The following SPATA9 variants were observed in gnomAD, a reference collection of about 807,000 sequenced individuals.
SPATA9 encodes the protein spermatogenesis associated 9, also known as spermatogenesis-associated protein 9.
In SPATA9, 27 loss-of-function variants were observed where a neutral mutation model predicts 25.5. The ratio of observed to expected loss-of-function variants is 1.06; its 90% CI spans 0.78 to 1.46. The LOEUF (loss-of-function observed/expected upper bound fraction) is 1.46, where lower values mean the gene tolerates loss of function less well. Among genes scored for constraint, SPATA9 ranks in the 40% most tolerant of loss-of-function variants. The probability of loss-of-function intolerance (pLI) is 0.00; values close to 1 mark genes in which losing one functional copy is unlikely to be tolerated. For missense variants in SPATA9, 282 were observed against 297.5 expected (o/e 0.95, Z 0.38); for synonymous variants, 102 against 105.7 (o/e 0.97, Z 0.21).
At chr5:95,697,607 G>C (rs1247826983) in intron 1 of SPATA9, among the ~76,000 whole-genome samples, 1 of 152,120 alleles carries the variant, frequency 6.6e-6, no homozygotes, top group Non-Finnish European at 1.5e-5. Flanking sequence ...TCTCTTGTAG[G>C]GCGCTGTATT....
At chr5:95,731,580 C>A in the SPATA9 span, 4 of 1,543,536 alleles carry the variant, frequency 2.6e-6, no homozygotes, top group Non-Finnish European at 3.5e-6. Context: ...GGGACGCGGC[C>A]GGGGATGAGC....
chr5:95,668,617 T>G (rs1450065842), intron 3 of SPATA9, among the ~76,000 whole-genome samples: 1 of 152,254 alleles, frequency 6.6e-6, no homozygotes, highest in Non-Finnish European at 1.5e-5. Context: ...ATGTGCATAT[T>G]TGAGTTAAAA....
At chr5:95,720,327 T>TC in the SPATA9 span, among the ~76,000 whole-genome samples, 9 of 91,610 alleles carry the variant, frequency 9.8e-5, no homozygotes, top group African/African-American at 7.6e-4. Flanking sequence ...TCTATTTAGA[T>TC]CAATTCACTT....
At chr5:95,691,215 C>CAAAAA (rs35098619) in intron 1 of SPATA9, among the ~76,000 whole-genome samples, 2 of 139,142 alleles carry the variant, frequency 1.4e-5, no homozygotes, top group Admixed American at 7.2e-5. Context: ...GACTCCGTCT[C>CAAAAA]AAAAAAAAAA....
chr5:95,657,114 A>G (rs1750807568), downstream of SPATA9: 1 of 152,088 alleles, frequency 6.6e-6, no homozygotes, highest in African/African-American at 2.4e-5. Context: ...CCTATATGAA[A>G]TTTTCAAATA....
the SPATA9 span, among the ~76,000 whole-genome samples, chr5:95,711,510 G>A: frequency 6.6e-6 from 1 of 152,172 alleles, no homozygotes; most frequent in Non-Finnish European, 1.5e-5. Flanking sequence ...ATCACCCGGA[G>A]GGACTTGTGC....
chr5:95,731,183 G>T, the SPATA9 span: 1 of 1,008,110 alleles, frequency 9.9e-7, no homozygotes, highest in Non-Finnish European at 1.2e-6. Flanking sequence ...CGCCGCCACC[G>T]GAGCTCCCGG....
intron 3 of SPATA9, among the ~76,000 whole-genome samples, chr5:95,667,860 C>A (rs770830417): frequency 1.3e-5 from 2 of 152,048 alleles, no homozygotes; most frequent in Non-Finnish European, 2.9e-5. Flanking sequence ...ACACCATCCC[C>A]CCTTGGTGCT....
Position 95,675,630 on chromosome 5 carries a change from G to T in SPATA9, c.160C>A (p.Pro54Thr). 1 of 1,613,820 alleles carries T rather than the reference G, an allele frequency of 6.2e-7. No individual in the cohort carries two copies. The highest frequency in any genetic ancestry group is 8.5e-7 in the Non-Finnish European group (1 of 1,179,918). ...CTGATTTTGGATGTTTTCTGCGCAG[G>T]TTCTCTTTTCTGAAAAATAGGCCTT... is the stretch of plus-strand genomic sequence containing the variant. ...RLSQSNQKRE[P>T]AQKTSKIRMA... Residue 54 changes from proline (P) to threonine (T), a missense_variant, in exon 3 of 5, where the codon CCT becomes ACT. Coordinates refer to ENST00000274432, the MANE Select transcript of SPATA9 (RefSeq NM_031952.4).
At chr5:95,653,173 T>C (rs541520558) in exon 9 of SPATA9, 2 of 1,551,734 alleles carry the variant, frequency 1.3e-6, no homozygotes, top group African/African-American at 2.7e-5. Flanking sequence ...ATTTTGGGCA[T>C]TTCAGCTCAG....
At chr5:95,654,027 C>T (rs1750545145), downstream of SPATA9, 3 of 1,585,166 alleles carry the variant, frequency 1.9e-6, no homozygotes, top group Non-Finnish European at 2.6e-6. Context: ...TTAGTGAATA[C>T]TTCTTGTAAC....
At chr5:95,673,952 C>T (rs1435245626) in intron 3 of SPATA9, among the ~76,000 whole-genome samples, 1 of 151,984 alleles carries the variant, frequency 6.6e-6, no homozygotes, top group Non-Finnish European at 1.5e-5. Flanking sequence ...GTTGGCCAGG[C>T]TGGTCTCAAA....
chr5:95,693,935 A>G (rs146587169), intron 1 of SPATA9, among the ~76,000 whole-genome samples: 3 of 152,284 alleles, frequency 2.0e-5, no homozygotes, highest in African/African-American at 7.2e-5. Flanking sequence ...CCAAGGCAGG[A>G]GGATTGCTTG....
chr5:95,682,823 C>G lies in SPATA9; in HGVS notation c.32G>C (p.Gly11Ala). 1 of 1,548,368 alleles carries G rather than the reference C, an allele frequency of 6.5e-7. No individual in the cohort carries two copies. The change falls in exon 1 of 5, where the codon GGG (glycine) becomes GCG (alanine). Residue 11 changes from glycine to alanine, a missense_variant. Transcript: ENST00000274432. Reference sequence around the variant, plus strand: ...TCCAGAAAAGTTCTTCAACACCTGCCCACATATCCACCCAACAGGTTTGAT... The same window carrying G: ...TCCAGAAAAGTTCTTCAACACCTGCGCACATATCCACCCAACAGGTTTGAT... MPIKPVGWICGQVLKNFSGRI... is the reference protein window; with the variant it reads MPIKPVGWICAQVLKNFSGRI...
downstream of SPATA9, chr5:95,654,502 G>T: frequency 1.5e-6 from 1 of 661,618 alleles, no homozygotes; most frequent in Non-Finnish European, 2.6e-6. Flanking sequence ...AGATAAATGA[G>T]AAATATGCTT....
chr5:95,653,335 AG>A, downstream of SPATA9: 1 of 1,375,622 alleles, frequency 7.3e-7, no homozygotes, highest in Non-Finnish European at 9.8e-7. Flanking sequence ...CTTAGCCAAG[AG>A]GCTGAAGACT....
exon 9 of SPATA9, chr5:95,653,196 T>G: frequency 6.4e-7 from 1 of 1,551,742 alleles, no homozygotes. Flanking sequence ...GTCATCTCAG[T>G]GACCAGTTTT....
At chr5:95,656,649 T>A (rs1293930674), downstream of SPATA9, 2 of 162,116 alleles carry the variant, frequency 1.2e-5, no homozygotes, top group Non-Finnish European at 2.7e-5. Context: ...TTTAAAAAAT[T>A]TAATTTTTAA....
At chr5:95,705,408 T>C in the SPATA9 span, among the ~76,000 whole-genome samples, 2 of 152,232 alleles carry the variant, frequency 1.3e-5, no homozygotes, top group Non-Finnish European at 2.9e-5. Context: ...ATTTCATTCA[T>C]GAAATTCAAT....
Sources: allele counts gnomAD v4.1 joint callset (sites outside exome capture counted in the v4.1 genomes callset), GRCh38; gene constraint gnomAD v4.1.1; transcripts MANE v1.5; gene names NCBI Gene and HGNC (gene_info 2026-07-23, HGNC 2026-07-21).